The following SLC6A20 variants were observed in gnomAD, a reference collection of about 807,000 sequenced individuals.
SLC6A20 encodes sodium- and chloride-dependent transporter XTRP3.
SLC6A20 carries 73 observed loss-of-function variants against 64.3 expected under a neutral mutation model. The ratio of observed to expected loss-of-function variants is 1.14; its 90% CI spans 0.94 to 1.38. The LOEUF (loss-of-function observed/expected upper bound fraction) is 1.38, where lower values mean the gene tolerates loss of function less well. Ranked by LOEUF, SLC6A20 falls within the 40% of genes most tolerant of loss-of-function variation. The pLI, the probability that SLC6A20 is intolerant of heterozygous loss-of-function variation, is 0.00. For missense variants in SLC6A20, 725 were observed against 772.8 expected, an observed-to-expected ratio of 0.94 and a Z score of 0.73; for synonymous variants, 347 against 329.6, an observed-to-expected ratio of 1.05 and a Z score of -0.57.
intron 1 of SLC6A20, among the ~76,000 whole-genome samples, chr3:45,795,631 A>G (rs78321651): frequency 6.6e-6 from 1 of 152,338 alleles, no homozygotes; most frequent in East Asian, 1.9e-4. Context: ...AGACATGTGT[A>G]GAAGGTGTTC....
At chr3:45,780,192 GAC>G in intron 2 of SLC6A20, 92 bp from the exon 3 acceptor site, 2 of 1,288,780 alleles carry the variant, frequency 1.6e-6, no homozygotes, top group South Asian at 2.6e-5. Context: ...CACCTGTGGC[GAC>G]CGCCCCGGGG....
chr3:45,796,273 G>C, intron 1 of SLC6A20, 26 bp downstream of exon 1: 1 of 1,581,142 alleles, frequency 6.3e-7, no homozygotes, highest in East Asian at 2.3e-5. Flanking sequence ...GAGTTGGGCT[G>C]GGGCCGGGGC....
At position 45,779,563 on chromosome 3, in the gene SLC6A20, C is replaced by T. The variant is rs543893859; in HGVS notation, c.354+446G>A. ...GGCTGGAGTCAGAAACCTGGAAGCACGAGTGGCCCTGAGGAAAGCGGGAGA... is the reference window on the plus strand; with the variant it reads ...GGCTGGAGTCAGAAACCTGGAAGCATGAGTGGCCCTGAGGAAAGCGGGAGA... On this transcript the variant is annotated intron_variant, in intron 3 of 10. Transcript: ENST00000358525. Among the ~76,000 whole-genome samples, 14 of 152,270 alleles carry T rather than the reference C, an allele frequency of 9.2e-5. No homozygotes were observed. In the South Asian group the frequency reaches 2.5e-3, roughly 27 times the overall value.
chr3:45,763,031 T>G lies in SLC6A20; in HGVS notation c.1345A>C (p.Thr449Pro), dbSNP rs766180787. Residue 449 changes from threonine (T) to proline (P), a missense_variant, in exon 9 of 11, where the codon ACG becomes CCG. Coordinates refer to ENST00000358525, the MANE Select transcript of SLC6A20 (RefSeq NM_020208.4). ...AACCAGTAGTTCCCAGCCTCCATCGTGAACACCATGCCAATGGCACAGTTG... is the reference window on the plus strand; with the variant it reads ...AACCAGTAGTTCCCAGCCTCCATCGGGAACACCATGCCAATGGCACAGTTG... ...LVNCAIGMVF[T>P]MEAGNYWFDI... 10 of 1,614,132 alleles carry G rather than the reference T, an allele frequency of 6.2e-6. No homozygotes were observed. The highest frequency in any genetic ancestry group is 8.5e-6 in the Non-Finnish European group (10 of 1,180,034).
intron 1 of SLC6A20, among the ~76,000 whole-genome samples, chr3:45,796,005 G>T (rs1700338467): frequency 6.6e-6 from 1 of 152,140 alleles, no homozygotes; most frequent in African/African-American, 2.4e-5. Context: ...AGGAGACCGC[G>T]TCCCCTGCGC....
intron 9 of SLC6A20, among the ~76,000 whole-genome samples, chr3:45,761,268 G>A (rs1208769417): frequency 1.4e-5 from 2 of 147,156 alleles, no homozygotes; most frequent in Admixed American, 6.8e-5. Flanking sequence ...AGAGCTGGCT[G>A]CAGAAAAGCC....
At chr3:45,768,212 G>C (rs569994100) in intron 7 of SLC6A20, among the ~76,000 whole-genome samples, 2 of 152,034 alleles carry the variant, frequency 1.3e-5, no homozygotes, top group African/African-American at 2.4e-5. Context: ...TCAAGATACT[G>C]TTTAACTTTA....
At chr3:45,759,752 C>A in intron 10 of SLC6A20, 105 bp downstream of exon 10, 2 of 1,357,704 alleles carry the variant, frequency 1.5e-6, no homozygotes, top group Non-Finnish European at 2.0e-6. Flanking sequence ...TGACAAATAA[C>A]CTACCCACAC....
chr3:45,789,823 C>T (rs567921982), intron 1 of SLC6A20, among the ~76,000 whole-genome samples: 1 of 152,234 alleles, frequency 6.6e-6, no homozygotes, highest in African/African-American at 2.4e-5. Context: ...AACTCCTGAG[C>T]TCAAGTGATC....
chr3:45,795,186 A>C (rs2125660958), intron 1 of SLC6A20, among the ~76,000 whole-genome samples: 1 of 152,350 alleles, frequency 6.6e-6, no homozygotes, highest in Admixed American at 6.5e-5. Context: ...AATCACCCAG[A>C]AATTTTGTTA....
In SLC6A20 at chr3:45,755,570, T is replaced by C. The variant is rs886058526; in HGVS notation, c.*3408A>G. The C allele has an allele frequency of 2.0e-5, 3 of 152,758 alleles. No individual in the cohort carries two copies. The highest frequency in any genetic ancestry group is 1.9e-4 in the East Asian group (1 of 5,186). 9.5% of individuals were successfully genotyped at this position (152,758 alleles called of 1,614,324 possible). ...ATGTTTCCAGTAAAAACAGAAAGCT[T>C]TCCGGAGTCCATGATCTGGCCATCG... On this transcript the variant is annotated 3_prime_UTR_variant, in exon 11 of 11. Coordinates refer to ENST00000358525, the MANE Select transcript of SLC6A20 (RefSeq NM_020208.4).
At position 45,765,426 on chromosome 3, in the gene SLC6A20, C is replaced by T; in HGVS notation, c.1303+111G>A. The T allele has an allele frequency of 8.2e-7, 1 of 1,222,378 alleles. No homozygotes were observed. Among genetic ancestry groups the T allele is most frequent in the Non-Finnish European group, 1.1e-6 (1 of 874,822 alleles). The allele number at this position is 1,222,378 out of a possible 1,614,324, so 75.7% of individuals were successfully genotyped here. A position where few individuals can be genotyped will look rare whatever the true frequency, so the allele number is the denominator to read the frequency against. ...AGGACCGTGGTGAGGTGGCTGCAAC[C>T]CCCTGTAGCCACCTGAACCAGCCCA... On this transcript the variant is annotated intron_variant, in intron 8 of 10. Coordinates refer to ENST00000358525, the MANE Select transcript of SLC6A20 (RefSeq NM_020208.4). The surrounding 1 kb of genome is among the most constrained non-coding windows in gnomAD (Gnocchi z 4.2).
Position 45,779,743 on chromosome 3 carries a change from T to C in SLC6A20, c.354+266A>G, listed in dbSNP as rs149346622. ...GTCACATCCATCAGAGAGAATCCAC[T>C]GAAAGCCATGGACCTTCTCTCCAAG... On this transcript the variant is annotated intron_variant, in intron 3 of 10. Coordinates refer to ENST00000358525, the MANE Select transcript of SLC6A20 (RefSeq NM_020208.4). 6.2e-3 allele frequency among the ~76,000 whole-genome samples: 939 copies of C among 152,330 alleles called. 11 individuals are homozygous for C. The highest frequency in any genetic ancestry group is 0.022 in the African/African-American group (907 of 41,580).
intron 9 of SLC6A20, 127 bp downstream of exon 9, chr3:45,762,786 T>C: frequency 1.6e-6 from 2 of 1,268,826 alleles, no homozygotes; most frequent in Non-Finnish European, 2.2e-6. Flanking sequence ...AGAACAAACG[T>C]TGAGTCATGA....
intron 6 of SLC6A20, among the ~76,000 whole-genome samples, chr3:45,770,645 C>T (rs922586486): frequency 2.0e-5 from 3 of 152,212 alleles, no homozygotes; most frequent in East Asian, 1.9e-4. Context: ...TGCTCTCTAT[C>T]TGGGCTGTCC....
intron 9 of SLC6A20, among the ~76,000 whole-genome samples, 163 bp downstream of exon 9, chr3:45,762,750 G>A (rs536447829): frequency 5.9e-5 from 9 of 152,366 alleles, no homozygotes; most frequent in Non-Finnish European, 8.8e-5. Flanking sequence ...AATAGAGGCA[G>A]AGCATAAGCT....
chr3:45,791,397 T>A (rs779655909), intron 1 of SLC6A20, among the ~76,000 whole-genome samples: 2 of 152,192 alleles, frequency 1.3e-5, no homozygotes, highest in East Asian at 3.9e-4. Context: ...GCATCAGTAT[T>A]TTTTAAAGCT....
chr3:45,789,041 G>C (rs1007708784), intron 1 of SLC6A20, among the ~76,000 whole-genome samples: 2 of 152,148 alleles, frequency 1.3e-5, no homozygotes, highest in Non-Finnish European at 2.9e-5. Context: ...ATCATAATGT[G>C]TCTGAAATCC....
rs1381955883 is a variant in SLC6A20 at position 45,779,996 on chromosome 3, C to T, written c.354+13G>A. Reference sequence around the variant, plus strand: ...GCTCCTACTCCTGTTCTGGCACGGGCCCCCCGGCTCACCTGGAAGGAGTGG... The same window carrying T: ...GCTCCTACTCCTGTTCTGGCACGGGTCCCCCGGCTCACCTGGAAGGAGTGG... On this transcript the variant is annotated intron_variant, in intron 3 of 10. Transcript: ENST00000358525. 3.1e-6 allele frequency: 5 copies of T among 1,587,824 alleles called. No homozygotes were observed. Among genetic ancestry groups the T allele is most frequent in the South Asian group, 2.3e-5 (2 of 87,058 alleles).
Sources: gnomAD v4.1 joint callset for allele counts (sites outside exome capture counted in the v4.1 genomes callset) on GRCh38, gnomAD v4.1.1 for gene constraint, Gnocchi (gnomAD v3.1) non-coding constraint, MANE v1.5 for transcripts, NCBI Gene and HGNC (gene_info 2026-07-23, HGNC 2026-07-21) for gene names.